The following EIF2S1 variants were observed in gnomAD, a reference collection of about 807,000 sequenced individuals.
EIF2S1 encodes the protein eukaryotic translation initiation factor 2 subunit alpha.
A neutral mutation model predicts 33.5 loss-of-function variants in EIF2S1; 5 were observed. That is an observed-to-expected ratio of 0.15 (90% CI 0.08 to 0.31). EIF2S1 has a LOEUF of 0.31. Ranked by LOEUF, EIF2S1 falls within the 10% of genes least tolerant of loss-of-function variation. The pLI, the probability that EIF2S1 is intolerant of heterozygous loss-of-function variation, is 1.00. For missense variants in EIF2S1, 191 were observed against 384.6 expected, an observed-to-expected ratio of 0.50 and a Z score of 4.21; for synonymous variants, 99 against 127.5, an observed-to-expected ratio of 0.78 and a Z score of 1.51.
intron 4 of EIF2S1, among the ~76,000 whole-genome samples, chr14:67,377,691 C>T (rs2085864513): frequency 6.6e-6 from 1 of 152,156 alleles, no homozygotes; most frequent in African/African-American, 2.4e-5. Context: ...TCACCTTTCC[C>T]TTTATTGCTT....
At chr14:67,374,348 A>T in intron 2 of EIF2S1, 120 bp from the exon 3 acceptor site, 1 of 533,066 alleles carries the variant, frequency 1.9e-6, no homozygotes, top group Non-Finnish European at 3.3e-6. Context: ...TGTTGATAGG[A>T]TTTTAGTAGG....
chr14:67,383,636 A>G lies in EIF2S1; in HGVS notation c.*196A>G. On this transcript the variant is annotated 3_prime_UTR_variant, in exon 8 of 8. Transcript: ENST00000256383. The stretch of plus-strand genomic sequence containing the variant: ...GCTGTTGTCACACAGTAGCTCCAAC[A>G]CTTTGAGCATTTTTAAGGGAGTGGC... 1.5e-6 allele frequency: 1 copy of G among 647,442 alleles called. No individual in the cohort carries two copies. Among genetic ancestry groups the G allele is most frequent in the Non-Finnish European group, 2.5e-6 (1 of 393,638 alleles). 40.1% of individuals were successfully genotyped at this position (647,442 alleles called of 1,614,324 possible).
chr14:67,381,181 T>C (rs2085886048), intron 5 of EIF2S1, among the ~76,000 whole-genome samples: 1 of 152,216 alleles, frequency 6.6e-6, no homozygotes, highest in African/African-American at 2.4e-5. Flanking sequence ...TGCTGGGTAA[T>C]GTTTCATAGA....
chr14:67,383,696 T>C lies in EIF2S1; in HGVS notation c.*256T>C. 2.5e-6 allele frequency: 1 copy of C among 404,550 alleles called. No individual in the cohort carries two copies. The highest frequency in any genetic ancestry group is 4.6e-6 in the Non-Finnish European group (1 of 217,670). 25.1% of individuals were successfully genotyped at this position (404,550 alleles called of 1,614,324 possible). A position where few individuals can be genotyped will look rare whatever the true frequency, so the allele number is the denominator to read the frequency against. On this transcript the variant is annotated 3_prime_UTR_variant, in exon 8 of 8. Transcript: ENST00000256383. ...CTAGAGACAAATCTTTAAGAATAGT[T>C]CTAAAATTGGGCTTGTGATTTCCAT...
At chr14:67,363,687 A>G (rs753253563) in intron 1 of EIF2S1, among the ~76,000 whole-genome samples, 13 of 152,160 alleles carry the variant, frequency 8.5e-5, no homozygotes, top group Non-Finnish European at 4.4e-5. Flanking sequence ...GAGATAGGCA[A>G]TGGCCAGATC....
intron 2 of EIF2S1, among the ~76,000 whole-genome samples, chr14:67,368,395 A>G (rs1353214388): frequency 6.6e-6 from 1 of 151,636 alleles, no homozygotes; most frequent in Non-Finnish European, 1.5e-5. Context: ...CCCTTTGCTG[A>G]CTCCTCCCCA....
At chr14:67,364,569 A>G in intron 1 of EIF2S1, 198 bp from the exon 2 acceptor site, 1 of 523,024 alleles carries the variant, frequency 1.9e-6, no homozygotes, top group Non-Finnish European at 3.3e-6. Flanking sequence ...AATGTTGAGC[A>G]AAATAAAAAT....
chr14:67,380,862 A>G lies in EIF2S1; in HGVS notation c.580+97A>G, dbSNP rs184764727. 7.0e-5 allele frequency: 40 copies of G among 572,706 alleles called. No individual in the cohort carries two copies. In the East Asian group the frequency reaches 1.3e-3, roughly 19 times the overall value. The allele number at this position is 572,706 out of a possible 1,614,324, so 35.5% of individuals were successfully genotyped here. On this transcript the variant is annotated intron_variant, in intron 5 of 7. Coordinates refer to ENST00000256383, the MANE Select transcript of EIF2S1 (RefSeq NM_004094.5). Reference sequence around the variant, plus strand: ...CCAAAGAATATGTTGCTACATCAACATCTATAAATTTTTCTAAATGGTTGT... The same window carrying G: ...CCAAAGAATATGTTGCTACATCAACGTCTATAAATTTTTCTAAATGGTTGT...
rs1374318398 is a variant in EIF2S1, at chr14:67,363,245, ACAGT to A, written c.-1-1518_-1-1515del. ...AAAGCCCTGTTTAAAAACGAAACAA[ACAGT>A]CAGCTGTTTCTTGGTGGGTAAGGCC... On this transcript the variant is annotated intron_variant, in intron 1 of 7. Transcript: ENST00000256383. Among the ~76,000 whole-genome samples the A allele has an allele frequency of 2.6e-5, 4 of 151,734 alleles. No homozygotes were observed. In the East Asian group the frequency reaches 5.8e-4, roughly 22 times the overall value.
At chr14:67,363,644 T>G (rs958878238) in intron 1 of EIF2S1, among the ~76,000 whole-genome samples, 4 of 152,084 alleles carry the variant, frequency 2.6e-5, no homozygotes, top group Admixed American at 6.6e-5. Context: ...ATCTATAAAA[T>G]GGGGAGAACT....
At chr14:67,363,426 T>G (rs1037992267) in intron 1 of EIF2S1, among the ~76,000 whole-genome samples, 1 of 152,310 alleles carries the variant, frequency 6.6e-6, no homozygotes, top group African/African-American at 2.4e-5. Flanking sequence ...ATTGGTGTTA[T>G]GTACTCTGGC....
At chr14:67,366,384 T>G (rs1284786685) in intron 2 of EIF2S1, among the ~76,000 whole-genome samples, 1 of 152,210 alleles carries the variant, frequency 6.6e-6, no homozygotes. Context: ...CTTTTTCTAT[T>G]GTATAAAATA....
chr14:67,363,228 G>A (rs578150676), intron 1 of EIF2S1, among the ~76,000 whole-genome samples: 2 of 151,294 alleles, frequency 1.3e-5, no homozygotes, highest in Non-Finnish European at 2.9e-5. Flanking sequence ...GAAAAGCCCT[G>A]TTTAAAAACG....
chr14:67,374,955 CA>C (rs2085848760), intron 3 of EIF2S1, among the ~76,000 whole-genome samples: 1 of 152,194 alleles, frequency 6.6e-6, no homozygotes, highest in Non-Finnish European at 1.5e-5. Flanking sequence ...GTAACGGAGA[CA>C]ACCAGCTGTT....
chr14:67,380,575 T>C, intron 4 of EIF2S1, 84 bp from the exon 5 acceptor site: 1 of 607,028 alleles, frequency 1.6e-6, no homozygotes, highest in Non-Finnish European at 2.7e-6. Flanking sequence ...TTAACTATTA[T>C]ATGCATTGTT....
At chr14:67,379,530 G>A (rs910818564) in intron 4 of EIF2S1, among the ~76,000 whole-genome samples, 15 of 151,890 alleles carry the variant, frequency 9.9e-5, no homozygotes, top group African/African-American at 3.6e-4. Context: ...TGTTAGCTGA[G>A]TAAAAGTTCC....
chr14:67,366,418 T>C (rs1223045417), intron 2 of EIF2S1, among the ~76,000 whole-genome samples: 1 of 152,214 alleles, frequency 6.6e-6, no homozygotes, highest in Non-Finnish European at 1.5e-5. Flanking sequence ...GAATCAAATA[T>C]GTTTTTAGTT....
Position 67,382,500 on chromosome 14 carries a change from A to T in EIF2S1, c.732A>T (p.Arg244Ser). The change falls in exon 7 of 8, where the codon AGA becomes AGT. Residue 244 changes from arginine (R) to serine (S), a missense_variant. Physicochemically the swap from Arg to Ser is moderately radical, Grantham distance 110. Transcript: ENST00000256383. ...RYVMTTTTLE[R>S]TEGLSVLSQA... ...TAATGACTACGACAACCCTGGAGAG[A>T]ACAGAAGGCCTTTCTGTCCTCAGTC... 1 of 1,613,302 alleles carries T rather than the reference A, an allele frequency of 6.2e-7. No individual in the cohort carries two copies.
chr14:67,360,582 T>A, intron 1 of EIF2S1, 126 bp downstream of exon 1: 1 of 186,520 alleles, frequency 5.4e-6, no homozygotes, highest in African/African-American at 2.3e-5. Context: ...GGGAAGTGGC[T>A]GGACAGCACC....
Sources: gnomAD v4.1 joint callset for allele counts (sites outside exome capture counted in the v4.1 genomes callset) on GRCh38, gnomAD v4.1.1 for gene constraint, MANE v1.5 for transcripts, NCBI Gene and HGNC (gene_info 2026-07-23, HGNC 2026-07-21) for gene names.